FGF18: variants seen among roughly 807,000 people sequenced by gnomAD.
FGF18 encodes the protein fibroblast growth factor 18.
Under a neutral mutation model 23.0 loss-of-function variants are expected in FGF18, and 5 were observed. That is an observed-to-expected ratio of 0.22 (90% CI 0.11 to 0.46). FGF18 has a LOEUF of 0.46. FGF18 is among the 20% of genes least tolerant of loss of function. The pLI, the probability that FGF18 is intolerant of heterozygous loss-of-function variation, is 0.99. For missense variants in FGF18, 180 were observed against 291.6 expected (o/e 0.62, Z 2.79); for synonymous variants, 117 against 118.9 (o/e 0.98, Z 0.10).
At position 171,420,059 on chromosome 5, in the gene FGF18, T is replaced by TGCA. The variant is rs1561882314; in HGVS notation, c.-129_-127dup. 7 of 596,132 alleles carry TGCA rather than the reference T, an allele frequency of 1.2e-5. No homozygotes were observed. The highest frequency in any genetic ancestry group is 4.1e-5 in the East Asian group (1 of 24,682). The allele number at this position is 596,132 out of a possible 1,614,324, so 36.9% of individuals were successfully genotyped here. ...CGGAGCGCCCCGGAGCAGCAGAGTC[T>TGCA]GCAGCAGCAGCAGCCGGCGAGGAGG... On this transcript the variant is annotated 5_prime_UTR_variant, in exon 1 of 5. Transcript: ENST00000274625.
rs551530339 is a variant in FGF18, at chr5:171,448,285, C to T, written c.251-862C>T. Among the ~76,000 whole-genome samples, 9 of 152,254 alleles carry T rather than the reference C, an allele frequency of 5.9e-5. 1 individual carries two copies. Among genetic ancestry groups the T allele is most frequent in the African/African-American group, 1.9e-4 (8 of 41,554 alleles). ...GGTCCTGATTGGGATTTCTGGGCTCCTGGGAGTTAGTTACCCTTCAGCTTT... is the reference window on the plus strand; with the variant it reads ...GGTCCTGATTGGGATTTCTGGGCTCTTGGGAGTTAGTTACCCTTCAGCTTT... On this transcript the variant is annotated intron_variant, in intron 3 of 4. Transcript: ENST00000274625.
chr5:171,457,018 G>A lies in FGF18; in HGVS notation c.*213G>A, dbSNP rs193009089. The A allele has an allele frequency of 1.3e-3, 778 of 610,920 alleles. 4 individuals carry two copies. The highest frequency in any genetic ancestry group is 0.012 in the African/African-American group (676 of 54,146). The allele number at this position is 610,920 out of a possible 1,614,324, so 37.8% of individuals were successfully genotyped here. On this transcript the variant is annotated 3_prime_UTR_variant, in exon 5 of 5. Transcript: ENST00000274625. The stretch of plus-strand genomic sequence containing the variant: ...AAACCCCCGATGACAAAAGACTCAC[G>A]CAAAGGGACTGTAGTCAACCCACAG...
At chr5:171,431,572 G>A (rs1388906498) in intron 2 of FGF18, among the ~76,000 whole-genome samples, 3 of 152,128 alleles carry the variant, frequency 2.0e-5, no homozygotes, top group Non-Finnish European at 4.4e-5. Context: ...AAGCCCTCAA[G>A]GCAGGGGAAG....
In FGF18 at chr5:171,424,828, C is replaced by T. The variant is rs1393837498; in HGVS notation, c.69+4385C>T. On this transcript the variant is annotated intron_variant, in intron 2 of 4. Coordinates refer to ENST00000274625, the MANE Select transcript of FGF18 (RefSeq NM_003862.3). ...CCCAGAGGATTCAGCACTCCTCTTC[C>T]AGCCTATCCCCAGCAGAGGGGGAAG... Among the ~76,000 whole-genome samples, 3 of 147,958 alleles carry T rather than the reference C, an allele frequency of 2.0e-5. No individual in the cohort carries two copies. In the Admixed American group the frequency reaches 2.0e-4, roughly 10 times the overall value.
At chr5:171,433,901 C>G (rs1032574287) in intron 2 of FGF18, among the ~76,000 whole-genome samples, 2 of 152,234 alleles carry the variant, frequency 1.3e-5, no homozygotes, top group Non-Finnish European at 2.9e-5. Context: ...CTAGTTACCC[C>G]TACTGAGCCA....
intron 2 of FGF18, among the ~76,000 whole-genome samples, chr5:171,424,832 C>G: frequency 6.8e-6 from 1 of 147,352 alleles, no homozygotes; most frequent in South Asian, 2.2e-4. Flanking sequence ...CTCTTCCAGC[C>G]TATCCCCAGC....
intron 2 of FGF18, among the ~76,000 whole-genome samples, chr5:171,430,230 C>A (rs1322489044): frequency 1.3e-5 from 2 of 151,872 alleles, no homozygotes; most frequent in Non-Finnish European, 2.9e-5. Flanking sequence ...CGGTGGCAGG[C>A]GCCTGTAATC....
intron 2 of FGF18, among the ~76,000 whole-genome samples, chr5:171,432,359 T>C (rs936724828): frequency 6.6e-6 from 1 of 151,374 alleles, no homozygotes; most frequent in African/African-American, 2.4e-5. Context: ...TGGGGGTCAT[T>C]TTCTTCTTCT....
chr5:171,431,824 C>T (rs1458941797), intron 2 of FGF18, among the ~76,000 whole-genome samples: 2 of 151,994 alleles, frequency 1.3e-5, no homozygotes, highest in African/African-American at 4.8e-5. Context: ...TTTGGGAGGC[C>T]GAGGTGGGCA....
intron 3 of FGF18, among the ~76,000 whole-genome samples, chr5:171,437,506 C>G (rs1475186124): frequency 6.6e-6 from 1 of 152,182 alleles, no homozygotes; most frequent in Non-Finnish European, 1.5e-5. Flanking sequence ...CACTCTCTTT[C>G]CCCTTCTTCC....
intron 2 of FGF18, 140 bp downstream of exon 2, chr5:171,420,583 A>T (rs1581267689): frequency 1.2e-6 from 1 of 814,806 alleles, no homozygotes; most frequent in Non-Finnish European, 1.9e-6. Flanking sequence ...AGGGCGCGGA[A>T]GGGCGGCTCC....
rs995420711 is a variant in FGF18 at position 171,430,717 on chromosome 5, A to G, written c.70-5376A>G. On this transcript the variant is annotated intron_variant, in intron 2 of 4. Transcript: ENST00000274625. Reference sequence around the variant, plus strand: ...GCAGGAGAATGGCGTGAACCCGGGAAGCGGAGCTTGCAGTGAGCCGAGATT... The same window carrying G: ...GCAGGAGAATGGCGTGAACCCGGGAGGCGGAGCTTGCAGTGAGCCGAGATT... 7.8e-5 allele frequency among the ~76,000 whole-genome samples: 11 copies of G among 140,832 alleles called. No individual in the cohort carries two copies. In the South Asian group the frequency reaches 1.1e-3, roughly 14 times the overall value. The allele number at this position is 140,832 out of a possible 152,430, so 92.4% of individuals were successfully genotyped here.
At chr5:171,427,340 A>G (rs889361131) in intron 2 of FGF18, among the ~76,000 whole-genome samples, 1 of 152,228 alleles carries the variant, frequency 6.6e-6, no homozygotes, top group Non-Finnish European at 1.5e-5. Context: ...TGTTCAATCA[A>G]TTATATTGTC....
intron 3 of FGF18, among the ~76,000 whole-genome samples, chr5:171,441,437 G>A (rs949079074): frequency 6.6e-6 from 1 of 152,118 alleles, no homozygotes; most frequent in Non-Finnish European, 1.5e-5. Context: ...GCAGCCTTCC[G>A]GGCATCCCGT....
At chr5:171,453,805 T>C (rs10078448) in intron 4 of FGF18, among the ~76,000 whole-genome samples, 19,032 of 152,016 alleles carry the variant, frequency 0.13, 1,379 homozygotes, top group East Asian at 0.25. Context: ...CCCTAATCAG[T>C]GTGTCTCAGG....
intron 3 of FGF18, among the ~76,000 whole-genome samples, chr5:171,443,376 C>G (rs979823840): frequency 2.6e-5 from 4 of 152,164 alleles, no homozygotes; most frequent in Non-Finnish European, 4.4e-5. Flanking sequence ...GGTGATGTGC[C>G]CACCTTGGCC....
chr5:171,431,753 T>C (rs925524519), intron 2 of FGF18, among the ~76,000 whole-genome samples: 2 of 152,128 alleles, frequency 1.3e-5, no homozygotes, highest in Admixed American at 6.5e-5. Flanking sequence ...CACCAACCCT[T>C]CTCTCCTTTC....
At chr5:171,454,985 A>G (rs1324319618) in intron 4 of FGF18, among the ~76,000 whole-genome samples, 2 of 152,256 alleles carry the variant, frequency 1.3e-5, no homozygotes. Context: ...GCTGCCGTTC[A>G]GGAATAATCT....
At chr5:171,431,724 G>A (rs773340614) in intron 2 of FGF18, among the ~76,000 whole-genome samples, 5 of 152,166 alleles carry the variant, frequency 3.3e-5, no homozygotes, top group African/African-American at 1.2e-4. Flanking sequence ...CCTTGTTTCC[G>A]TAGAAGACTT....
Sources: gnomAD v4.1 joint callset for allele counts (sites outside exome capture counted in the v4.1 genomes callset) on GRCh38, gnomAD v4.1.1 for gene constraint, MANE v1.5 for transcripts, NCBI Gene and HGNC (gene_info 2026-07-23, HGNC 2026-07-21) for gene names.